The following COL25A1 variants were observed in gnomAD, a reference collection of about 807,000 sequenced individuals.
COL25A1 encodes collagen alpha-1(XXV) chain.
COL25A1 carries 103 observed loss-of-function variants against 128.4 expected under a neutral mutation model. That is an observed-to-expected ratio of 0.80 (90% CI 0.68 to 0.94). The LOEUF is 0.94. Ranked by LOEUF, COL25A1 falls within the 40% of genes least tolerant of loss-of-function variation. The pLI, the probability that COL25A1 is intolerant of heterozygous loss-of-function variation, is 0.00. For missense variants in COL25A1, 745 were observed against 840.0 expected (o/e 0.89, Z 1.40); for synonymous variants, 279 against 277.2 (o/e 1.01, Z -0.06).
chr4:108,842,216 ACACC>A (rs746273945), intron 30 of COL25A1, among the ~76,000 whole-genome samples: 62 of 152,208 alleles, frequency 4.1e-4, no homozygotes, highest in Non-Finnish European at 1.3e-4. Flanking sequence ...TGAGGAGATG[ACACC>A]CAAATTTTGG....
At chr4:109,241,775 A>T (rs1779909904) in intron 3 of COL25A1, among the ~76,000 whole-genome samples, 1 of 152,084 alleles carries the variant, frequency 6.6e-6, no homozygotes, top group South Asian at 2.1e-4. Flanking sequence ...AACACAGGAA[A>T]CATTTAGAAT....
intron 8 of COL25A1, among the ~76,000 whole-genome samples, chr4:108,961,750 G>A (rs771012027): frequency 6.6e-6 from 1 of 152,148 alleles, no homozygotes; most frequent in East Asian, 1.9e-4. Flanking sequence ...ATATAACAAA[G>A]TGATGGCTTC....
At chr4:108,961,191 A>G (rs925894482) in intron 8 of COL25A1, among the ~76,000 whole-genome samples, 4 of 152,136 alleles carry the variant, frequency 2.6e-5, no homozygotes, top group African/African-American at 4.8e-5. Context: ...TAGATCTTGC[A>G]TATGTGGAGA....
chr4:109,250,283 C>T (rs1193716113), intron 3 of COL25A1, among the ~76,000 whole-genome samples: 1 of 143,296 alleles, frequency 7.0e-6, no homozygotes, highest in Non-Finnish European at 1.5e-5. Context: ...AACATAAAGG[C>T]TTTAAGGCAC....
intron 24 of COL25A1, 109 bp downstream of exon 24, chr4:108,859,547 G>T (rs1736915022): frequency 3.9e-6 from 3 of 777,374 alleles, no homozygotes; most frequent in Non-Finnish European, 6.2e-6. Context: ...GCCTTGAGCA[G>T]TGGAGTCCTC....
intron 17 of COL25A1, 27 bp downstream of exon 17, chr4:108,889,674 T>C (rs938138340): frequency 8.7e-6 from 14 of 1,609,346 alleles, no homozygotes; most frequent in Non-Finnish European, 1.2e-5. Flanking sequence ...ACTCCTGGAG[T>C]ACAAATACTT....
intron 11 of COL25A1, among the ~76,000 whole-genome samples, chr4:108,921,553 G>C (rs996011162): frequency 6.6e-6 from 1 of 152,072 alleles, no homozygotes; most frequent in Non-Finnish European, 1.5e-5. Context: ...TTTTCAGTTT[G>C]TGACATTTCA....
At chr4:109,252,989 A>T (rs1780767818) in intron 3 of COL25A1, among the ~76,000 whole-genome samples, 2 of 152,190 alleles carry the variant, frequency 1.3e-5, no homozygotes, top group African/African-American at 4.8e-5. Flanking sequence ...TTGGGATCAT[A>T]AGCTTTGGGG....
At chr4:109,240,731 A>G (rs552244015) in intron 3 of COL25A1, among the ~76,000 whole-genome samples, 1 of 152,202 alleles carries the variant, frequency 6.6e-6, no homozygotes, top group South Asian at 2.1e-4. Flanking sequence ...TGATGCTGTC[A>G]CTTGGGCTAG....
chr4:108,939,600 AT>A (rs1157398724), intron 10 of COL25A1, among the ~76,000 whole-genome samples: 2 of 151,918 alleles, frequency 1.3e-5, no homozygotes, highest in African/African-American at 2.4e-5. Flanking sequence ...AGAAAAAAAT[AT>A]TTTTTTCTTT....
At chr4:109,299,040 T>C (rs1194199726) in intron 3 of COL25A1, among the ~76,000 whole-genome samples, 1 of 152,244 alleles carries the variant, frequency 6.6e-6, no homozygotes, top group Non-Finnish European at 1.5e-5. Context: ...CACGAAACAA[T>C]TATATCTTCT....
rs182628575 is a variant in COL25A1 at position 109,288,313 on chromosome 4, A to T, written c.367+12270T>A. On this transcript the variant is annotated intron_variant, in intron 3 of 37. Coordinates refer to ENST00000399132, the MANE Select transcript of COL25A1 (RefSeq NM_198721.4). ...TGAGCTCAAAATTTTAAATACAGTA[A>T]TGGAGTTGGTATAACATGCTCTGTT... 3.9e-5 allele frequency among the ~76,000 whole-genome samples: 6 copies of T among 152,264 alleles called. No homozygotes were observed. The East Asian group carries it at 1.2e-3, about 29-fold the overall frequency.
chr4:109,218,350 T>G (rs995098303), intron 3 of COL25A1, among the ~76,000 whole-genome samples: 73 of 137,030 alleles, frequency 5.3e-4, no homozygotes, highest in Non-Finnish European at 7.3e-4. Flanking sequence ...ATTGCTGGTT[T>G]TTTGGGGTTT....
chr4:109,270,298 CATG>C (rs1782105981), intron 3 of COL25A1, among the ~76,000 whole-genome samples: 1 of 152,170 alleles, frequency 6.6e-6, no homozygotes, highest in Admixed American at 6.5e-5. Flanking sequence ...TTGCAGATGA[CATG>C]ACTGTATATC....
intron 3 of COL25A1, among the ~76,000 whole-genome samples, chr4:109,187,496 G>C (rs967185701): frequency 6.6e-6 from 1 of 152,146 alleles, no homozygotes; most frequent in Admixed American, 6.5e-5. Flanking sequence ...TTGCCTCATA[G>C]GGTTGGCACG....
intron 3 of COL25A1, among the ~76,000 whole-genome samples, chr4:109,055,600 C>T (rs993485258): frequency 4.6e-5 from 7 of 152,142 alleles, no homozygotes; most frequent in African/African-American, 1.7e-4. Context: ...TTATCAATGA[C>T]CCACCTTGTA....
intron 3 of COL25A1, among the ~76,000 whole-genome samples, chr4:109,103,712 A>G (rs781493098): frequency 5.3e-5 from 8 of 152,238 alleles, no homozygotes; most frequent in Non-Finnish European, 1.0e-4. Context: ...ATTGAACCTG[A>G]AGCATCTTGT....
intron 3 of COL25A1, among the ~76,000 whole-genome samples, chr4:109,101,163 A>C (rs1765855880): frequency 6.6e-6 from 1 of 152,230 alleles, no homozygotes; most frequent in Non-Finnish European, 1.5e-5. Flanking sequence ...TGTCTTGGCC[A>C]ATTTGAAAAT....
At chr4:109,278,208 A>G (rs562807356) in intron 3 of COL25A1, among the ~76,000 whole-genome samples, 1 of 152,336 alleles carries the variant, frequency 6.6e-6, no homozygotes, top group East Asian at 1.9e-4. Context: ...TCACCTCTCT[A>G]CAGCACAGAA....
Sources: gnomAD v4.1 joint callset for allele counts (sites outside exome capture counted in the v4.1 genomes callset) on GRCh38, gnomAD v4.1.1 for gene constraint, MANE v1.5 for transcripts, NCBI Gene and HGNC (gene_info 2026-07-23, HGNC 2026-07-21) for gene names.